KRIT1: variants seen among roughly 807,000 people sequenced by gnomAD.
KRIT1 encodes krev interaction trapped protein 1.
A neutral mutation model predicts 95.8 loss-of-function variants in KRIT1; 45 were observed. That is an observed-to-expected ratio of 0.47 (90% CI 0.37 to 0.60). The LOEUF (loss-of-function observed/expected upper bound fraction) is 0.60, where lower values mean the gene tolerates loss of function less well. KRIT1 is among the 20% of genes least tolerant of loss of function. KRIT1 has a pLI of 0.00. For synonymous variants in KRIT1, 282 were observed against 278.8 expected (o/e 1.01, Z -0.11); for missense variants, 788 against 877.5 (o/e 0.90, Z 1.29).
intron 14 of KRIT1, among the ~76,000 whole-genome samples, chr7:92,219,105 A>G (rs1231394867): frequency 6.6e-6 from 1 of 152,100 alleles, no homozygotes; most frequent in Non-Finnish European, 1.5e-5. Flanking sequence ...GGTTCATGCA[A>G]TTCTCATGCC....
intron 17 of KRIT1, among the ~76,000 whole-genome samples, chr7:92,203,283 C>T (rs1485775964): frequency 4.6e-5 from 7 of 152,180 alleles, no homozygotes; most frequent in Non-Finnish European, 8.8e-5. Flanking sequence ...TCCTAGTAGA[C>T]CTTGGTGAAT....
intron 17 of KRIT1, among the ~76,000 whole-genome samples, chr7:92,203,205 A>C (rs568127712): frequency 6.6e-6 from 1 of 152,354 alleles, no homozygotes; most frequent in Admixed American, 6.5e-5. Flanking sequence ...TAGTGTTTTA[A>C]ATGCAAATGA....
chr7:92,218,762 T>A (rs1794519082), intron 14 of KRIT1, among the ~76,000 whole-genome samples: 1 of 152,132 alleles, frequency 6.6e-6, no homozygotes, highest in Admixed American at 6.5e-5. Flanking sequence ...TTATCTATGA[T>A]TTGCTAATAT....
chr7:92,242,180 C>A, intron 3 of KRIT1, 43 bp from the exon 4 acceptor site: 1 of 1,067,410 alleles, frequency 9.4e-7, no homozygotes, highest in East Asian at 2.4e-5. Flanking sequence ...GATTAAATGA[C>A]ACATTTGATG....
intron 3 of KRIT1, among the ~76,000 whole-genome samples, chr7:92,242,962 G>A (rs556631910): frequency 6.6e-6 from 1 of 152,074 alleles, no homozygotes; most frequent in Non-Finnish European, 1.5e-5. Context: ...GAATTAACAG[G>A]CGTGTGCCAC....
intron 12 of KRIT1, among the ~76,000 whole-genome samples, chr7:92,225,343 C>T (rs763916819): frequency 7.2e-5 from 11 of 152,018 alleles, no homozygotes; most frequent in African/African-American, 9.7e-5. Context: ...AGTCTTGCTC[C>T]GTCGCCAAGG....
chr7:92,227,828 A>C (rs959166125), intron 10 of KRIT1, among the ~76,000 whole-genome samples: 44 of 151,978 alleles, frequency 2.9e-4, no homozygotes, highest in African/African-American at 9.9e-4. Context: ...CCTGGCCAAC[A>C]TGGTGAAACC....
At chr7:92,219,066 T>C (rs1456492501) in intron 14 of KRIT1, among the ~76,000 whole-genome samples, 1 of 152,224 alleles carries the variant, frequency 6.6e-6, no homozygotes, top group Non-Finnish European at 1.5e-5. Context: ...AGTGGTGTGA[T>C]CTTGGCTCAC....
Position 92,201,393 on chromosome 7 carries a change from A to T in KRIT1, c.2056T>A (p.Phe686Ile). 1.3e-6 allele frequency: 2 copies of T among 1,590,784 alleles called. No individual in the cohort carries two copies. ...TCAGTATCTCCCAATTGCCACATAA[A>T]ACAACCATACTTAAGACTGATGAGT... is the stretch of plus-strand genomic sequence containing the variant. ...ALLISLKYGC[F>I]MWQLGDTDTC... is the part of the protein sequence containing the mutation. The change falls in exon 18 of 19, where the codon TTT becomes ATT. Residue 686 changes from phenylalanine to isoleucine, a missense_variant. Coordinates refer to ENST00000394505, the MANE Select transcript of KRIT1 (RefSeq NM_194454.3).
rs1790096047 is a variant in KRIT1 at position 92,201,376 on chromosome 7, T to A, written c.2073A>T (p.Gly691=). The change falls in exon 18 of 19, where the codon GGA becomes GGT. Residue 691 remains glycine (G), a synonymous_variant. Coordinates refer to ENST00000394505, the MANE Select transcript of KRIT1 (RefSeq NM_194454.3). ...LKYGCFMWQL[G]DTDTCFQIHS... ...GGATCTGAAAACAAGTATCAGTATC[T>A]CCCAATTGCCACATAAAACAACCAT... is the stretch of plus-strand genomic sequence containing the variant. 4.4e-6 allele frequency: 7 copies of A among 1,601,618 alleles called. No homozygotes were observed. The highest frequency in any genetic ancestry group is 3.3e-5 in the South Asian group (3 of 90,818).
chr7:92,224,897 C>A (rs905411152), intron 12 of KRIT1, among the ~76,000 whole-genome samples: 1 of 152,140 alleles, frequency 6.6e-6, no homozygotes, highest in African/African-American at 2.4e-5. Flanking sequence ...TGGTGGTTCA[C>A]GCCTGTAATC....
At chr7:92,216,084 C>G (rs1032533332) in intron 14 of KRIT1, among the ~76,000 whole-genome samples, 2 of 151,750 alleles carry the variant, frequency 1.3e-5, no homozygotes, top group African/African-American at 2.4e-5. Context: ...AAAAAATTAG[C>G]TAGGCATGGT....
At chr7:92,224,883 G>A (rs1023651397) in intron 12 of KRIT1, among the ~76,000 whole-genome samples, 1 of 152,054 alleles carries the variant, frequency 6.6e-6, no homozygotes, top group African/African-American at 2.4e-5. Flanking sequence ...AATCAGGCTG[G>A]GCGTGGTGGT....
chr7:92,236,591 C>G (rs201178947), intron 6 of KRIT1, 49 bp from the exon 7 acceptor site: 1 of 1,189,564 alleles, frequency 8.4e-7, no homozygotes, highest in East Asian at 2.3e-5. Flanking sequence ...AGGTTTACAT[C>G]TGCATGTTTT....
At chr7:92,208,077 A>G (rs999835972) in intron 17 of KRIT1, among the ~76,000 whole-genome samples, 5 of 152,144 alleles carry the variant, frequency 3.3e-5, no homozygotes, top group Admixed American at 2.0e-4. Context: ...TACAAATAAA[A>G]GGAAATTAAA....
At chr7:92,233,027 A>G (rs1797651100) in intron 10 of KRIT1, among the ~76,000 whole-genome samples, 1 of 152,168 alleles carries the variant, frequency 6.6e-6, no homozygotes, top group Non-Finnish European at 1.5e-5. Context: ...TTTTGCCGCC[A>G]GTATTTTCTG....
At chr7:92,218,218 T>C (rs1349431982) in intron 14 of KRIT1, among the ~76,000 whole-genome samples, 3 of 151,398 alleles carry the variant, frequency 2.0e-5, no homozygotes, top group African/African-American at 7.3e-5. Context: ...CGCCAGGCTA[T>C]TAAAAAAAAA....
chr7:92,240,165 A>C (rs1437240099), intron 5 of KRIT1, among the ~76,000 whole-genome samples: 2 of 152,192 alleles, frequency 1.3e-5, no homozygotes, highest in Non-Finnish European at 2.9e-5. Flanking sequence ...CTTATAGCTC[A>C]GTTATGTATC....
At chr7:92,216,652 T>C (rs1794055854) in intron 14 of KRIT1, among the ~76,000 whole-genome samples, 1 of 152,136 alleles carries the variant, frequency 6.6e-6, no homozygotes, top group Non-Finnish European at 1.5e-5. Context: ...TTTAAAATGG[T>C]TCACAAAGAA....
Sources: gnomAD v4.1 joint callset for allele counts (sites outside exome capture counted in the v4.1 genomes callset) on GRCh38, gnomAD v4.1.1 for gene constraint, MANE v1.5 for transcripts, NCBI Gene and HGNC (gene_info 2026-07-23, HGNC 2026-07-21) for gene names.